The following TEP1 variants were observed in gnomAD, a reference collection of about 807,000 sequenced individuals.
TEP1 encodes the protein telomerase associated protein 1, also known as telomerase protein component 1.
TEP1 carries 241 observed loss-of-function variants against 306.3 expected under a neutral mutation model. That is an observed-to-expected ratio of 0.79 (90% CI 0.71 to 0.88). The LOEUF is 0.88. TEP1 is among the 40% of genes least tolerant of loss of function. The pLI, the probability that TEP1 is intolerant of heterozygous loss-of-function variation, is 0.00. For missense variants in TEP1, 3,051 were observed against 3,276.1 expected (o/e 0.93, Z 1.68); for synonymous variants, 1,289 against 1,305.5 (o/e 0.99, Z 0.27).
At chr14:20,389,195 T>G in intron 17 of TEP1, 43 bp downstream of exon 17, 11 of 1,588,012 alleles carry the variant, frequency 6.9e-6, no homozygotes, top group Non-Finnish European at 9.5e-6. Flanking sequence ...CTAAAAACTT[T>G]CCAACAAAGT....
rs769378321 is a variant in TEP1 at position 20,378,337 on chromosome 14, G to A, written c.5508+43C>T. ...CTGTCGTCTGCCACCCTCCACTCCT[G>A]TCCTCCTGTGCTTCCCCCAAGAGCA... On this transcript the variant is annotated intron_variant, in intron 38 of 54. Coordinates refer to ENST00000262715, the MANE Select transcript of TEP1 (RefSeq NM_007110.5). The A allele has an allele frequency of 7.4e-6, 12 of 1,613,136 alleles. No individual in the cohort carries two copies. The East Asian group carries it at 2.7e-4, about 36-fold the overall frequency.
rs760414472 is a variant in TEP1, at chr14:20,391,666, C to A, written c.2030G>T (p.Arg677Leu). Reference protein sequence around the residue: ...VKHSLPLLPGRTVLVYLTDAN... With the variant: ...VKHSLPLLPGLTVLVYLTDAN... Reference sequence around the variant, plus strand: ...ATCTGTCAGATAGACCAAGACAGTGCGGCCTGGCAGCAGGGGCAGGCTGTG... The same window carrying A: ...ATCTGTCAGATAGACCAAGACAGTGAGGCCTGGCAGCAGGGGCAGGCTGTG... Residue 677 changes from arginine (R) to leucine (L), a missense_variant, in exon 13 of 55, where the codon CGC (arginine) becomes CTC (leucine). By Grantham distance (102) the Arg-to-Leu change is moderately radical (BLOSUM62 -2). Around this residue, in one of 3 missense-constraint regions of TEP1, gnomAD observed 1,507 missense variants for 1,550.5 expected, o/e 0.97. Transcript: ENST00000262715. The A allele has an allele frequency of 3.1e-6, 5 of 1,614,148 alleles. No homozygotes were observed. The highest frequency in any genetic ancestry group is 4.2e-6 in the Non-Finnish European group (5 of 1,180,028).
At position 20,368,201 on chromosome 14, in the gene TEP1, G is replaced by A; in HGVS notation, c.*236C>T. On this transcript the variant is annotated 3_prime_UTR_variant, in exon 55 of 55. Coordinates refer to ENST00000262715, the MANE Select transcript of TEP1 (RefSeq NM_007110.5). ...TTCACTTTCTTGTGGTTCTAGTAAG[G>A]ATTAATGTTGAATAAGAAGAGACAC... The A allele has an allele frequency of 2.8e-6, 1 of 362,352 alleles. No individual in the cohort carries two copies. Among genetic ancestry groups the A allele is most frequent in the East Asian group, 4.7e-5 (1 of 21,444 alleles). 22.4% of individuals were successfully genotyped at this position (362,352 alleles called of 1,614,324 possible). A position where few individuals can be genotyped will look rare whatever the true frequency, so the allele number is the denominator to read the frequency against.
chr14:20,372,946 G>T, intron 48 of TEP1, 65 bp downstream of exon 48: 1 of 1,613,404 alleles, frequency 6.2e-7, no homozygotes, highest in Non-Finnish European at 8.5e-7. Flanking sequence ...AACCTCTAAC[G>T]CCCAGTAAAT....
chr14:20,374,518 C>A lies in TEP1; in HGVS notation c.6382G>T (p.Gly2128Cys). ...DNLLISCSSD[G>C]SVGLWDPESG... Reference sequence around the variant, plus strand: ...TCTGGGTCCCAGAGCCCCACAGAGCCATCACTGGAGCAGGATATCTACAGA... The same window carrying A: ...TCTGGGTCCCAGAGCCCCACAGAGCAATCACTGGAGCAGGATATCTACAGA... Residue 2128 changes from glycine (G) to cysteine (C), a missense_variant, in exon 44 of 55, where the codon GGC (glycine) becomes TGC (cysteine). This residue lies in a region of TEP1 where 1,540 missense variants were observed against 1,705.9 expected (regional missense o/e 0.90). Coordinates refer to ENST00000262715, the MANE Select transcript of TEP1 (RefSeq NM_007110.5). 6.2e-7 allele frequency: 1 copy of A among 1,613,028 alleles called. No homozygotes were observed. Among genetic ancestry groups the A allele is most frequent in the Non-Finnish European group, 8.5e-7 (1 of 1,179,754 alleles).
chr14:20,371,672 T>C, intron 49 of TEP1, 40 bp from the exon 50 acceptor site: 2 of 1,524,192 alleles, frequency 1.3e-6, no homozygotes, highest in Non-Finnish European at 1.7e-6. Context: ...AGATCCTATT[T>C]TAGTTAACCT....
chr14:20,400,481 A>C (rs549831896), intron 9 of TEP1, among the ~76,000 whole-genome samples: 20 of 140,640 alleles, frequency 1.4e-4, no homozygotes, highest in Middle Eastern at 3.7e-3. Context: ...AGAGCCTGCT[A>C]TAGGTAAAAG....
At chr14:20,410,020 C>CAAAAAAAAAAAAAAAAAAAAAA (rs570672845) in intron 1 of TEP1, among the ~76,000 whole-genome samples, 4 of 58,954 alleles carry the variant, frequency 6.8e-5, no homozygotes, top group Non-Finnish European at 6.5e-5. Flanking sequence ...GACTCTGTCT[C>CAAAAAAAAAAAAAAAAAAAAAA]AAAAAAAAAA....
In TEP1 at chr14:20,408,269, G is replaced by A; in HGVS notation, c.171C>T (p.Asp57=). Residue 57 remains aspartate (D), a synonymous_variant, in exon 2 of 55, where the codon GAC becomes GAT. Transcript: ENST00000262715. ...LKNQCLATLP[D]LKTMEKPHGY... Reference sequence around the variant, plus strand: ...CATGTGGTTTTTCCATGGTCTTCAGGTCAGGAAGCGTGGCTAGGCACTGGT... The same window carrying A: ...CATGTGGTTTTTCCATGGTCTTCAGATCAGGAAGCGTGGCTAGGCACTGGT... 1 of 1,613,414 alleles carries A rather than the reference G, an allele frequency of 6.2e-7. No individual in the cohort carries two copies. Among genetic ancestry groups the A allele is most frequent in the Non-Finnish European group, 8.5e-7 (1 of 1,179,514 alleles).
chr14:20,412,194 A>G (rs752011484), intron 1 of TEP1, among the ~76,000 whole-genome samples: 7 of 152,162 alleles, frequency 4.6e-5, no homozygotes, highest in Non-Finnish European at 8.8e-5. Context: ...TTCTGTGCCC[A>G]ATACACTTTG....
rs1365784752 is a variant in TEP1 at position 20,382,487 on chromosome 14, G to A, written c.4141-131C>T. On this transcript the variant is annotated intron_variant, in intron 28 of 54. Transcript: ENST00000262715. Reference sequence around the variant, plus strand: ...AGTAAAGAACAACAGTAGGAGGGAAGTGAGGCGAGGTATGAGGCGAGGATA... The same window carrying A: ...AGTAAAGAACAACAGTAGGAGGGAAATGAGGCGAGGTATGAGGCGAGGATA... The A allele has an allele frequency of 2.4e-5, 37 of 1,523,928 alleles. 1 individual carries two copies. The South Asian group carries it at 4.2e-4, about 17-fold the overall frequency. The allele number at this position is 1,523,928 out of a possible 1,614,324, so 94.4% of individuals were successfully genotyped here.
chr14:20,395,815 C>T (rs1441742267), intron 11 of TEP1, 44 bp downstream of exon 11: 2 of 1,581,600 alleles, frequency 1.3e-6, no homozygotes, highest in South Asian at 1.1e-5. Flanking sequence ...CATTTATTGT[C>T]AGATGTGGGA....
chr14:20,396,033 G>A (rs756832121), intron 10 of TEP1, 84 bp from the exon 11 acceptor site: 5 of 993,180 alleles, frequency 5.0e-6, no homozygotes, highest in East Asian at 2.4e-5. Flanking sequence ...TAGCTTTGTG[G>A]GAAGGTACAG....
chr14:20,369,900 A>G (rs1284841866), intron 51 of TEP1, 121 bp from the exon 52 acceptor site: 3 of 690,412 alleles, frequency 4.3e-6, no homozygotes, highest in South Asian at 1.9e-5. Context: ...TACAACTTAG[A>G]TACAATCAAG....
chr14:20,371,500 T>C lies in TEP1; in HGVS notation c.7209A>G (p.Pro2403=). ...KLLCMKPGDA[P]SEIWSSYTEN... ...ATTTTGGATCTTACCAGATTTCAGA[T>C]GGAGCATCCCCTGGCTTCATGCAAA... Residue 2403 remains proline (P), a synonymous_variant, in exon 50 of 55, where the codon CCA becomes CCG. Coordinates refer to ENST00000262715, the MANE Select transcript of TEP1 (RefSeq NM_007110.5). 6.2e-7 allele frequency: 1 copy of C among 1,609,436 alleles called. No homozygotes were observed. Among genetic ancestry groups the C allele is most frequent in the South Asian group, 1.1e-5 (1 of 89,918 alleles).
chr14:20,403,946 C>T lies in TEP1; in HGVS notation c.1033-62G>A, dbSNP rs558681616. On this transcript the variant is annotated intron_variant, in intron 5 of 54. Coordinates refer to ENST00000262715, the MANE Select transcript of TEP1 (RefSeq NM_007110.5). ...CCCAAACCAACCCTCCAAAACAAAACGAGATCACTTCATGGAGATACACGA... is the reference window on the plus strand; with the variant it reads ...CCCAAACCAACCCTCCAAAACAAAATGAGATCACTTCATGGAGATACACGA... The T allele has an allele frequency of 7.5e-6, 12 of 1,606,680 alleles. No homozygotes were observed. The South Asian group carries it at 8.8e-5, about 12-fold the overall frequency.
intron 12 of TEP1, among the ~76,000 whole-genome samples, chr14:20,392,108 CTCCTT>C (rs1877779089): frequency 2.0e-5 from 3 of 152,224 alleles, no homozygotes; most frequent in African/African-American, 7.2e-5. Flanking sequence ...CAAATGCTAA[CTCCTT>C]ACTCTGAAAA....
intron 15 of TEP1, among the ~76,000 whole-genome samples, chr14:20,390,401 A>G (rs921408580): frequency 6.6e-6 from 1 of 152,324 alleles, no homozygotes; most frequent in Middle Eastern, 3.4e-3. Flanking sequence ...TCCCAACTCT[A>G]TGTTCAGTAG....
Position 20,383,559 on chromosome 14 carries a change from C to T in TEP1, c.3796G>A (p.Asp1266Asn), listed in dbSNP as rs761115756. ...TGGTCCACTAACCTATCAGCCCCAT[C>T]GATGATCAGGACCTGGGTCTGGCCA... ...HPGQTQVLII[D>N]GADRLVDQNG... Residue 1266 changes from aspartate to asparagine, a missense_variant, in exon 26 of 55, where the codon GAT becomes AAT. By Grantham distance (23) the Asp-to-Asn change is conservative. This residue lies in a region of TEP1 where 1,540 missense variants were observed against 1,705.9 expected (regional missense o/e 0.90). Transcript: ENST00000262715. 8 of 1,614,186 alleles carry T rather than the reference C, an allele frequency of 5.0e-6. No homozygotes were observed. Among genetic ancestry groups the T allele is most frequent in the Non-Finnish European group, 6.8e-6 (8 of 1,180,034 alleles).
Sources: gnomAD v4.1 joint callset for allele counts (sites outside exome capture counted in the v4.1 genomes callset) on GRCh38, gnomAD v4.1.1 for gene constraint, gnomAD v4.1.1 regional missense constraint, MANE v1.5 for transcripts, NCBI Gene and HGNC (gene_info 2026-07-23, HGNC 2026-07-21) for gene names.